Variants in PFDN1 observed in about 807,000 individuals in gnomAD.
PFDN1 encodes the protein prefoldin subunit 1.
A neutral mutation model predicts 17.3 loss-of-function variants in PFDN1; 6 were observed. That is an observed-to-expected ratio of 0.35 (90% CI 0.19 to 0.69). The LOEUF (loss-of-function observed/expected upper bound fraction) is 0.69, where lower values mean the gene tolerates loss of function less well. Ranked by LOEUF, PFDN1 falls within the 30% of genes least tolerant of loss-of-function variation. The pLI is 0.65. For synonymous variants in PFDN1, 58 were observed against 50.1 expected (o/e 1.16, Z -0.67); for missense variants, 113 against 146.2 (o/e 0.77, Z 1.17).
intron 3 of PFDN1, among the ~76,000 whole-genome samples, chr5:140,249,157 G>A (rs1477326558): frequency 6.6e-6 from 1 of 152,194 alleles, no homozygotes; most frequent in Non-Finnish European, 1.5e-5. Flanking sequence ...GTTGTGGGTT[G>A]AACTGAATTT....
chr5:140,246,628 C>T (rs1036303825), intron 3 of PFDN1, among the ~76,000 whole-genome samples: 1 of 152,200 alleles, frequency 6.6e-6, no homozygotes, highest in African/African-American at 2.4e-5. Flanking sequence ...ATCTGGGACA[C>T]TAAAACACTG....
chr5:140,266,946 G>A lies in PFDN1; in HGVS notation c.285+14503C>T, dbSNP rs896550987. 9.6e-4 allele frequency among the ~76,000 whole-genome samples: 146 copies of A among 152,212 alleles called. 3 individuals are homozygous for A. The highest frequency in any genetic ancestry group is 4.6e-4 in the Admixed American group (7 of 15,280). Reference sequence around the variant, plus strand: ...CAGTGTGGGTTACAGTTACATGCAGGTGTACTGGAATCACACATGCTGCGG... The same window carrying A: ...CAGTGTGGGTTACAGTTACATGCAGATGTACTGGAATCACACATGCTGCGG... On this transcript the variant is annotated intron_variant, in intron 3 of 3. Coordinates refer to ENST00000261813, the MANE Select transcript of PFDN1 (RefSeq NM_002622.5).
intron 3 of PFDN1, 187 bp downstream of exon 3, chr5:140,281,262 T>C (rs1765392909): frequency 4.4e-6 from 2 of 455,730 alleles, no homozygotes; most frequent in East Asian, 3.7e-5. Context: ...CTATTCTTTT[T>C]TTTTTGTTTT....
chr5:140,281,845 C>T (rs906347741), intron 2 of PFDN1: 5 of 232,368 alleles, frequency 2.2e-5, no homozygotes, highest in South Asian at 2.0e-4. Flanking sequence ...TGAGTCTAGT[C>T]TGGGCAACAT....
chr5:140,299,417 C>T (rs981400597), intron 2 of PFDN1, among the ~76,000 whole-genome samples: 9 of 151,878 alleles, frequency 5.9e-5, no homozygotes, highest in Admixed American at 3.3e-4. Flanking sequence ...CTGGCCAACA[C>T]GGTAAAACCC....
intron 3 of PFDN1, among the ~76,000 whole-genome samples, chr5:140,257,731 T>C (rs1274576954): frequency 6.6e-6 from 1 of 152,170 alleles, no homozygotes; most frequent in Non-Finnish European, 1.5e-5. Flanking sequence ...CCAACAGGTA[T>C]TGGGCACTCA....
intron 3 of PFDN1, among the ~76,000 whole-genome samples, chr5:140,271,533 T>C (rs916405683): frequency 6.6e-6 from 1 of 152,208 alleles, no homozygotes; most frequent in Non-Finnish European, 1.5e-5. Flanking sequence ...CTAGCTACTA[T>C]GGAAAGTAGG....
At chr5:140,246,134 T>A in intron 3 of PFDN1, 77 bp from the exon 4 acceptor site, 1 of 866,272 alleles carries the variant, frequency 1.2e-6, no homozygotes, top group African/African-American at 1.7e-5. Context: ...TGATGTCCAA[T>A]GGTTATGGCT....
intron 2 of PFDN1, among the ~76,000 whole-genome samples, chr5:140,294,672 T>C (rs1765627368): frequency 6.6e-6 from 1 of 152,054 alleles, no homozygotes; most frequent in Non-Finnish European, 1.5e-5. Flanking sequence ...ACCTAAACAG[T>C]TGAAAAACTG....
intron 2 of PFDN1, among the ~76,000 whole-genome samples, chr5:140,293,765 AATTAAGAAT>A (rs1342146548): frequency 1.3e-5 from 2 of 152,050 alleles, no homozygotes; most frequent in Non-Finnish European, 2.9e-5. Context: ...AACTTAAGGA[AATTAAGAAT>A]ATGACTTAAA....
At chr5:140,250,309 C>A in intron 3 of PFDN1, among the ~76,000 whole-genome samples, 1 of 152,226 alleles carries the variant, frequency 6.6e-6, no homozygotes, top group African/African-American at 2.4e-5. Flanking sequence ...CATGCTGCTC[C>A]TCCAATCCAC....
At chr5:140,299,721 G>A (rs961096616) in intron 2 of PFDN1, among the ~76,000 whole-genome samples, 3 of 151,874 alleles carry the variant, frequency 2.0e-5, no homozygotes, top group African/African-American at 7.3e-5. Flanking sequence ...TTATTTCTAA[G>A]ATACTTTAAC....
rs1765254599 is a variant in PFDN1, at chr5:140,274,172, G to A, written c.285+7277C>T. On this transcript the variant is annotated intron_variant, in intron 3 of 3. Transcript: ENST00000261813. ...CAGAGGATGAATTTCCCACTCTTTA[G>A]AAGATATAGATCTCAATCTATCAAC... 2.0e-5 allele frequency among the ~76,000 whole-genome samples: 3 copies of A among 152,176 alleles called. No individual in the cohort carries two copies. In the South Asian group the frequency reaches 6.2e-4, roughly 31 times the overall value.
At chr5:140,251,658 C>T (rs1272475727) in intron 3 of PFDN1, among the ~76,000 whole-genome samples, 1 of 152,184 alleles carries the variant, frequency 6.6e-6, no homozygotes, top group Non-Finnish European at 1.5e-5. Context: ...GGCATCAAAC[C>T]ACAAAGCTCT....
At position 140,245,159 on chromosome 5, in the gene PFDN1, C is replaced by T. The variant is rs536922990; in HGVS notation, c.*815G>A. The stretch of plus-strand genomic sequence containing the variant: ...ATGGCTGTGTTTGACAACTGGCTTG[C>T]AACAAAATTCTTGAAAATTGAATAA... On this transcript the variant is annotated 3_prime_UTR_variant, in exon 4 of 4. Coordinates refer to ENST00000261813, the MANE Select transcript of PFDN1 (RefSeq NM_002622.5). 2.8e-5 allele frequency: 8 copies of T among 289,950 alleles called. No individual in the cohort carries two copies. The East Asian group carries it at 5.6e-4, about 20-fold the overall frequency. The allele number at this position is 289,950 out of a possible 1,614,324, so 18.0% of individuals were successfully genotyped here. A position where few individuals can be genotyped will look rare whatever the true frequency, so the allele number is the denominator to read the frequency against.
intron 3 of PFDN1, among the ~76,000 whole-genome samples, chr5:140,246,722 C>G (rs1335884498): frequency 6.6e-6 from 1 of 152,214 alleles, no homozygotes; most frequent in African/African-American, 2.4e-5. Flanking sequence ...AGAACTTTCA[C>G]TACTTTCAGG....
At chr5:140,299,583 G>A (rs1206777558) in intron 2 of PFDN1, among the ~76,000 whole-genome samples, 5 of 146,698 alleles carry the variant, frequency 3.4e-5, no homozygotes, top group East Asian at 2.0e-4. Context: ...GCAACAGAGC[G>A]AGACTCTGTC....
intron 3 of PFDN1, chr5:140,262,526 GA>G: frequency 2.2e-6 from 1 of 455,962 alleles, no homozygotes; most frequent in Non-Finnish European, 4.4e-6. Context: ...AGATCAAACT[GA>G]CCTGCTGGCA....
intron 3 of PFDN1, among the ~76,000 whole-genome samples, chr5:140,267,691 C>T (rs971027696): frequency 6.6e-6 from 1 of 152,026 alleles, no homozygotes; most frequent in East Asian, 1.9e-4. Flanking sequence ...AGTCCGACAA[C>T]GCCCGACAAC....
Sources: gnomAD v4.1 joint callset for allele counts (sites outside exome capture counted in the v4.1 genomes callset) on GRCh38, gnomAD v4.1.1 for gene constraint, MANE v1.5 for transcripts, NCBI Gene and HGNC (gene_info 2026-07-23, HGNC 2026-07-21) for gene names.